PIWIL3: variants seen among roughly 807,000 people sequenced by gnomAD.
PIWIL3 encodes the protein piwi-like protein 3.
Under a neutral mutation model 109.7 loss-of-function variants are expected in PIWIL3, and 101 were observed. The observed-to-expected ratio is 0.92, with a 90% CI of 0.78 to 1.09. The LOEUF (loss-of-function observed/expected upper bound fraction) is 1.09, where lower values mean the gene tolerates loss of function less well. Among genes scored for constraint, PIWIL3 ranks in the 50% least tolerant of loss-of-function variants. The pLI is 0.00. For synonymous variants in PIWIL3, 373 were observed against 376.4 expected (o/e 0.99, Z 0.10); for missense variants, 1,031 against 1,072.6 (o/e 0.96, Z 0.54).
intron 17 of PIWIL3, 77 bp downstream of exon 17, chr22:24,725,368 C>T: frequency 1.9e-6 from 3 of 1,544,502 alleles, no homozygotes; most frequent in South Asian, 1.1e-5. Context: ...TACCAAGTGT[C>T]CCCTGGAGGC....
In PIWIL3 at chr22:24,719,486, G is replaced by A. The variant is rs767159064; in HGVS notation, c.2608C>T (p.Leu870Phe). Reference sequence around the variant, plus strand: ...TCTTCTGCAGGTCAAAGGTAAAAGAGACGAGTTGACAAGGAACGATTCGGT... The same window carrying A: ...TCTTCTGCAGGTCAAAGGTAAAAGAAACGAGTTGACAAGGAACGATTCGGT... ...QEPNRSLSTRLFYL is the reference protein window; with the variant it reads ...QEPNRSLSTRFFYL Residue 870 changes from leucine to phenylalanine, a missense_variant, in exon 21 of 21, where the codon CTC becomes TTC. Leu to Phe is a conservative substitution (Grantham distance 22). Coordinates refer to ENST00000616349, the MANE Select transcript of PIWIL3 (RefSeq NM_001255975.1). 7 of 1,587,344 alleles carry A rather than the reference G, an allele frequency of 4.4e-6. No homozygotes were observed. In the Admixed American group the frequency reaches 9.4e-5, roughly 21 times the overall value.
intron 8 of PIWIL3, among the ~76,000 whole-genome samples, chr22:24,751,747 C>T (rs1177146589): frequency 6.6e-6 from 1 of 152,198 alleles, no homozygotes; most frequent in Non-Finnish European, 1.5e-5. Flanking sequence ...CCCATTTTAG[C>T]CTAATCCACC....
Position 24,754,877 on chromosome 22 carries a change from A to C in PIWIL3, c.693-13T>G. The stretch of plus-strand genomic sequence containing the variant: ...CAGCTTGAAAGTTCTGGAAATGGAA[A>C]GAATAGATTTTGTTGAAAGTACAGG... On this transcript the variant is annotated splice_polypyrimidine_tract_variant and intron_variant, in intron 6 of 20. Transcript: ENST00000616349. 2 of 1,605,912 alleles carry C rather than the reference A, an allele frequency of 1.2e-6. No homozygotes were observed. The highest frequency in any genetic ancestry group is 1.7e-6 in the Non-Finnish European group (2 of 1,172,772).
chr22:24,749,176 T>A (rs1293048343), intron 11 of PIWIL3, among the ~76,000 whole-genome samples, 155 bp from the exon 12 acceptor site: 1 of 152,212 alleles, frequency 6.6e-6, no homozygotes, highest in Non-Finnish European at 1.5e-5. Context: ...GAAATCTTGT[T>A]TTTGCTTTCA....
intron 12 of PIWIL3, among the ~76,000 whole-genome samples, chr22:24,748,227 T>G (rs915817251): frequency 6.6e-6 from 1 of 152,134 alleles, no homozygotes; most frequent in Non-Finnish European, 1.5e-5. Flanking sequence ...ATCTACAAGA[T>G]GAAAACAATT....
chr22:24,757,528 G>A (rs1261649024), intron 4 of PIWIL3, among the ~76,000 whole-genome samples: 1 of 148,442 alleles, frequency 6.7e-6, no homozygotes, highest in Admixed American at 6.7e-5. Flanking sequence ...GCTCATTCCT[G>A]TAATCTCAGC....
intron 1 of PIWIL3, among the ~76,000 whole-genome samples, chr22:24,772,002 C>G (rs1220419393): frequency 1.3e-5 from 2 of 152,152 alleles, no homozygotes; most frequent in Non-Finnish European, 2.9e-5. Context: ...GCCTATTTCT[C>G]TTAATGAACA....
intron 16 of PIWIL3, 115 bp from the exon 17 acceptor site, chr22:24,725,630 C>G (rs1922945622): frequency 4.0e-6 from 4 of 1,003,162 alleles, no homozygotes; most frequent in Non-Finnish European, 6.1e-6. Flanking sequence ...ATTTTAGCAT[C>G]AATTCATATC....
Position 24,759,896 on chromosome 22 carries a change from C to T in PIWIL3, c.196G>A (p.Gly66Arg). 1 of 1,602,462 alleles carries T rather than the reference C, an allele frequency of 6.2e-7. No individual in the cohort carries two copies. Among genetic ancestry groups the T allele is most frequent in the Admixed American group, 1.7e-5 (1 of 59,800 alleles). ...RPLQPRAARG[G>R]AGGGAQSQGV... ...TGAGACTGTGCTCCTCCTCCTGCTCCTCCTCTTGCTGCTCTTGGCTGCAGA... is the reference window on the plus strand; with the variant it reads ...TGAGACTGTGCTCCTCCTCCTGCTCTTCCTCTTGCTGCTCTTGGCTGCAGA... Residue 66 changes from glycine (G) to arginine (R), a missense_variant, in exon 3 of 21, where the codon GGA (glycine) becomes AGA (arginine). Physicochemically the swap from Gly to Arg is moderately radical, Grantham distance 125 (BLOSUM62 -2). Coordinates refer to ENST00000616349, the MANE Select transcript of PIWIL3 (RefSeq NM_001255975.1).
At chr22:24,741,297 G>A (rs1923993312) in intron 12 of PIWIL3, among the ~76,000 whole-genome samples, 1 of 152,146 alleles carries the variant, frequency 6.6e-6, no homozygotes, top group Non-Finnish European at 1.5e-5. Flanking sequence ...GGCCAATCAC[G>A]AAGTCAGGAG....
At chr22:24,757,674 AC>A (rs1925160700) in intron 4 of PIWIL3, among the ~76,000 whole-genome samples, 3 of 132,064 alleles carry the variant, frequency 2.3e-5, no homozygotes, top group African/African-American at 8.6e-5. Context: ...ACACACACAC[AC>A]ACACACACAC....
chr22:24,764,417 A>G (rs1038044010), intron 1 of PIWIL3, among the ~76,000 whole-genome samples: 3 of 152,190 alleles, frequency 2.0e-5, no homozygotes, highest in African/African-American at 7.2e-5. Flanking sequence ...GGGCCGGTGT[A>G]ACTAAATGCA....
chr22:24,728,053 C>T lies in PIWIL3; in HGVS notation c.1906G>A (p.Val636Ile). 6.2e-7 allele frequency: 1 copy of T among 1,613,238 alleles called. No homozygotes were observed. The change falls in exon 16 of 21, where the codon GTA (valine) becomes ATA (isoleucine). Residue 636 changes from valine to isoleucine, a missense_variant and splice_region_variant. By Grantham distance (29) the Val-to-Ile change is conservative (BLOSUM62 3). Transcript: ENST00000616349. ...ATGCCAACGAACATTGTTCTTTGTA[C>T]CTTAAGTTTGTTTTTGAAAAGGTAA... ...GGALWKVETDVQRTMFVGIDC... is the reference protein window; with the variant it reads ...GGALWKVETDIQRTMFVGIDC...
intron 12 of PIWIL3, among the ~76,000 whole-genome samples, chr22:24,739,065 T>G (rs1324189234): frequency 2.6e-5 from 4 of 152,032 alleles, no homozygotes; most frequent in Admixed American, 6.6e-5. Context: ...AGTTAAAACA[T>G]GCAATTGACA....
chr22:24,725,300 T>TACA (rs1221854032), intron 17 of PIWIL3, 145 bp downstream of exon 17: 4 of 1,018,496 alleles, frequency 3.9e-6, no homozygotes, highest in African/African-American at 1.6e-5. Flanking sequence ...CCCACTAGAC[T>TACA]CAATGCCAGT....
In PIWIL3 at chr22:24,729,235, C is replaced by T. The variant is rs185312782; in HGVS notation, c.1708-861G>A. On this transcript the variant is annotated intron_variant, in intron 14 of 20. Transcript: ENST00000616349. ...TTTAACTGTAAAATGGCAACCCTCT[C>T]GGGCCCCCTCTCTGCTGCAGAGAGC... 3.9e-3 allele frequency among the ~76,000 whole-genome samples: 598 copies of T among 152,160 alleles called. 1 individual carries two copies. The highest frequency in any genetic ancestry group is 4.4e-3 in the Non-Finnish European group (299 of 67,974).
chr22:24,723,978 A>T (rs991063689), intron 18 of PIWIL3, among the ~76,000 whole-genome samples: 1 of 152,150 alleles, frequency 6.6e-6, no homozygotes, highest in Admixed American at 6.5e-5. Flanking sequence ...ACGCCAGGCC[A>T]TTCATGGATT....
intron 11 of PIWIL3, 50 bp downstream of exon 11, chr22:24,749,354 T>C: frequency 6.3e-7 from 1 of 1,599,332 alleles, no homozygotes. Context: ...TCAGCTTCAC[T>C]GGGACACCAT....
intron 19 of PIWIL3, among the ~76,000 whole-genome samples, chr22:24,722,051 A>G (rs1922703144): frequency 6.6e-6 from 1 of 152,208 alleles, no homozygotes; most frequent in Non-Finnish European, 1.5e-5. Context: ...TTCACATAAA[A>G]GAAACTGGTC....
Sources: allele counts gnomAD v4.1 joint callset (sites outside exome capture counted in the v4.1 genomes callset), GRCh38; gene constraint gnomAD v4.1.1; transcripts MANE v1.5; gene names NCBI Gene and HGNC (gene_info 2026-07-23, HGNC 2026-07-21).